Variants in RBM34 observed in about 807,000 individuals in gnomAD.
RBM34 encodes the protein RNA-binding protein 34.
Under a neutral mutation model 44.6 loss-of-function variants are expected in RBM34, and 39 were observed. That is an observed-to-expected ratio of 0.87 (90% CI 0.68 to 1.14). RBM34 has a LOEUF of 1.14. Among genes scored for constraint, RBM34 ranks in the 50% most tolerant of loss-of-function variants. The probability of loss-of-function intolerance (pLI) is 0.00; values close to 1 mark genes in which losing one functional copy is unlikely to be tolerated. For synonymous variants in RBM34, 194 were observed against 184.0 expected (o/e 1.05, Z -0.44); for missense variants, 572 against 517.9 (o/e 1.10, Z -1.01).
intron 6 of RBM34, among the ~76,000 whole-genome samples, chr1:235,142,675 C>A (rs1661736843): frequency 1.3e-5 from 2 of 151,630 alleles, no homozygotes; most frequent in African/African-American, 2.4e-5. Context: ...TGCTTGTAAC[C>A]CTAGCACTTT....
chr1:235,151,022 G>C (rs1367352769), intron 5 of RBM34, among the ~76,000 whole-genome samples: 1 of 152,222 alleles, frequency 6.6e-6, no homozygotes, highest in Admixed American at 6.5e-5. Flanking sequence ...CAGGAAGACT[G>C]AGTTCACAGT....
chr1:235,136,537 T>C (rs902269812), intron 8 of RBM34, among the ~76,000 whole-genome samples: 5 of 152,326 alleles, frequency 3.3e-5, no homozygotes, highest in African/African-American at 1.2e-4. Flanking sequence ...CTCTCTGCCA[T>C]AGTTTGTTGA....
intron 10 of RBM34, 54 bp downstream of exon 10, chr1:235,135,598 C>A: frequency 7.2e-7 from 1 of 1,393,266 alleles, no homozygotes; most frequent in South Asian, 1.2e-5. Context: ...GCAACAGTGT[C>A]AATGCCTCCC....
rs1259785026 is a variant in RBM34 at position 235,136,033 on chromosome 1, C to A, written c.889+1G>T. 6.3e-7 allele frequency: 1 copy of A among 1,582,020 alleles called. No homozygotes were observed. Among genetic ancestry groups the A allele is most frequent in the Non-Finnish European group, 8.7e-7 (1 of 1,154,222 alleles). On this transcript the variant is annotated splice_donor_variant, in intron 9 of 10. Transcript: ENST00000408888. LOFTEE classifies it high-confidence loss of function. Reference sequence around the variant, plus strand: ...ACTGTACTTTGTTTAAACAAACTTACTATAAGGGAGATTCCCCACAAAAAC... The same window carrying A: ...ACTGTACTTTGTTTAAACAAACTTAATATAAGGGAGATTCCCCACAAAAAC...
intron 4 of RBM34, among the ~76,000 whole-genome samples, 173 bp downstream of exon 4, chr1:235,154,708 A>T (rs560460415): frequency 5.9e-5 from 9 of 152,370 alleles, no homozygotes; most frequent in African/African-American, 2.2e-4. Context: ...CTGAATTGGC[A>T]GGGACTACAG....
intron 6 of RBM34, among the ~76,000 whole-genome samples, chr1:235,140,543 G>A (rs888694858): frequency 1.1e-4 from 16 of 152,342 alleles, no homozygotes; most frequent in Non-Finnish European, 1.0e-4. Context: ...GGCAGGGTTC[G>A]GGACCTGCAG....
At chr1:235,156,428 C>T (rs1291496443) in intron 3 of RBM34, among the ~76,000 whole-genome samples, 1 of 152,114 alleles carries the variant, frequency 6.6e-6, no homozygotes, top group Non-Finnish European at 1.5e-5. Context: ...CTATCAATGC[C>T]TGATTTCATT....
chr1:235,133,246 T>C (rs1484957663), intron 10 of RBM34, among the ~76,000 whole-genome samples: 1 of 152,110 alleles, frequency 6.6e-6, no homozygotes, highest in Non-Finnish European at 1.5e-5. Flanking sequence ...GAAGCTGAGA[T>C]GGGAGGATCG....
intron 5 of RBM34, chr1:235,152,457 C>A: frequency 8.6e-7 from 1 of 1,169,420 alleles, no homozygotes; most frequent in East Asian, 4.3e-5. Flanking sequence ...AGTCACCCAT[C>A]CACCCTCCAA....
chr1:235,138,938 T>C (rs995837927), intron 6 of RBM34, among the ~76,000 whole-genome samples: 8 of 152,298 alleles, frequency 5.3e-5, no homozygotes, highest in South Asian at 2.1e-4. Context: ...TCTATATTTC[T>C]TGTAAACTGG....
chr1:235,141,012 C>T (rs1349359497), intron 6 of RBM34, among the ~76,000 whole-genome samples: 2 of 151,606 alleles, frequency 1.3e-5, no homozygotes, highest in Non-Finnish European at 2.9e-5. Context: ...TTTGTGAGTG[C>T]ACCAATCGAC....
At chr1:235,137,424 G>A (rs1249442313) in intron 8 of RBM34, among the ~76,000 whole-genome samples, 1 of 152,162 alleles carries the variant, frequency 6.6e-6, no homozygotes, top group Admixed American at 6.5e-5. Flanking sequence ...GCCCAGGCTA[G>A]AATGCAGTGG....
chr1:235,140,091 C>T (rs970328337), intron 6 of RBM34, among the ~76,000 whole-genome samples: 1 of 152,258 alleles, frequency 6.6e-6, no homozygotes, highest in Non-Finnish European at 1.5e-5. Context: ...CAAAGCCCCA[C>T]CTGGATTCTT....
rs768846936 is a variant in RBM34 at position 235,160,631 on chromosome 1, G to GT, written c.244dup (p.Thr82AsnfsTer5). On this transcript the variant is annotated frameshift_variant, in exon 3 of 11. Transcript: ENST00000408888. LOFTEE classifies it high-confidence loss of function. ...ACTTTCTTCCTCCTCATTCCGTTTC[G>GT]TTTTTTTGATGGTTTGCTTTTTAAA... The GT allele has an allele frequency of 3.1e-6, 5 of 1,610,516 alleles. No homozygotes were observed. The highest frequency in any genetic ancestry group is 1.3e-5 in the African/African-American group (1 of 74,662).
intron 3 of RBM34, among the ~76,000 whole-genome samples, chr1:235,158,811 A>G (rs1022243029): frequency 6.6e-6 from 1 of 152,160 alleles, no homozygotes; most frequent in Non-Finnish European, 1.5e-5. Context: ...CTTGATTCAA[A>G]TACACTGTTA....
intron 6 of RBM34, among the ~76,000 whole-genome samples, chr1:235,142,067 G>A (rs1322757449): frequency 6.6e-6 from 1 of 152,158 alleles, no homozygotes; most frequent in African/African-American, 2.4e-5. Flanking sequence ...CCTACAGCCG[G>A]AGGAAGGGAG....
chr1:235,155,789 G>A (rs1662378766), intron 3 of RBM34, among the ~76,000 whole-genome samples: 2 of 129,496 alleles, frequency 1.5e-5, no homozygotes, highest in South Asian at 4.7e-4. Flanking sequence ...AAAGGTGTGA[G>A]CCACCATGTC....
At chr1:235,133,643 G>A (rs1661300086) in intron 10 of RBM34, among the ~76,000 whole-genome samples, 1 of 152,078 alleles carries the variant, frequency 6.6e-6, no homozygotes, top group Non-Finnish European at 1.5e-5. Flanking sequence ...CCCCAAATCC[G>A]TGAGTTCAGT....
intron 3 of RBM34, 105 bp downstream of exon 3, chr1:235,160,406 T>C (rs1662654477): frequency 2.1e-6 from 3 of 1,426,390 alleles, no homozygotes; most frequent in Non-Finnish European, 2.9e-6. Flanking sequence ...ATAAAAGTTT[T>C]GAAAGAAAGT....
Sources: gnomAD v4.1 joint callset for allele counts (sites outside exome capture counted in the v4.1 genomes callset) on GRCh38, gnomAD v4.1.1 for gene constraint, MANE v1.5 for transcripts, NCBI Gene and HGNC (gene_info 2026-07-23, HGNC 2026-07-21) for gene names.